ZNF106: variants seen among roughly 807,000 people sequenced by gnomAD.
The protein encoded by ZNF106 is SH3-domain binding protein 3.
A neutral mutation model predicts 195.1 loss-of-function variants in ZNF106; 67 were observed. The observed-to-expected ratio is 0.34, with a 90% CI of 0.28 to 0.42. The LOEUF is 0.42. ZNF106 is among the 10% of genes least tolerant of loss of function. The probability of loss-of-function intolerance (pLI) is 1.00; values close to 1 mark genes in which losing one functional copy is unlikely to be tolerated. For missense variants in ZNF106, 2,118 were observed against 2,304.5 expected (o/e 0.92, Z 1.66); for synonymous variants, 784 against 818.6 (o/e 0.96, Z 0.72).
chr15:42,459,767 G>A (rs975883941), intron 3 of ZNF106, among the ~76,000 whole-genome samples: 22 of 152,038 alleles, frequency 1.4e-4, no homozygotes, highest in Non-Finnish European at 2.9e-4. Context: ...TTGGCCAGGC[G>A]CAGTGGTTCA....
At chr15:42,441,392 C>T (rs1050099699) in intron 10 of ZNF106, among the ~76,000 whole-genome samples, 8 of 152,004 alleles carry the variant, frequency 5.3e-5, no homozygotes, top group Middle Eastern at 3.4e-3. Context: ...ATTAATATTG[C>T]AACATAGTAC....
At chr15:42,490,817 G>A (rs975295305) in intron 1 of ZNF106, among the ~76,000 whole-genome samples, 163 bp downstream of exon 1, 3 of 152,148 alleles carry the variant, frequency 2.0e-5, no homozygotes, top group African/African-American at 7.2e-5. Flanking sequence ...CCATAAACCC[G>A]CGCCGGCTCT....
At chr15:42,472,083 T>C (rs1208044210) in intron 2 of ZNF106, among the ~76,000 whole-genome samples, 153 bp downstream of exon 2, 1 of 152,202 alleles carries the variant, frequency 6.6e-6, no homozygotes, top group Non-Finnish European at 1.5e-5. Flanking sequence ...GGAATGAGAC[T>C]ATGGTTTAGG....
intron 19 of ZNF106, 42 bp downstream of exon 19, chr15:42,421,875 C>T: frequency 6.8e-7 from 1 of 1,475,444 alleles, no homozygotes; most frequent in Middle Eastern, 2.2e-4. Flanking sequence ...TTTTAGCAAA[C>T]ACATTCAAAA....
chr15:42,473,629 CT>C (rs1252385782), intron 1 of ZNF106, among the ~76,000 whole-genome samples: 1 of 152,178 alleles, frequency 6.6e-6, no homozygotes, highest in Non-Finnish European at 1.5e-5. Context: ...TAATATTGCA[CT>C]TTCTGACACC....
rs189518482 is a variant in ZNF106 at position 42,457,396 on chromosome 15, G to A, written c.117-238C>T. ...AGGCAATAGACTTCAGATAAATGTC[G>A]TTTAGGAGGAGAAATCTTCTTGAAT... On this transcript the variant is annotated intron_variant, in intron 3 of 21. Coordinates refer to ENST00000564754, the MANE Select transcript of ZNF106 (RefSeq NM_001366845.3). 2.9e-3 allele frequency: 3,996 copies of A among 1,383,130 alleles called. 18 individuals are homozygous for A. Among genetic ancestry groups the A allele is most frequent in the Middle Eastern group, 0.017 (64 of 3,740 alleles). 85.7% of individuals were successfully genotyped at this position (1,383,130 alleles called of 1,614,324 possible).
intron 1 of ZNF106, among the ~76,000 whole-genome samples, chr15:42,472,655 C>G (rs552761654): frequency 5.5e-4 from 83 of 152,292 alleles, no homozygotes; most frequent in African/African-American, 2.0e-3. Context: ...CCTCTCACAG[C>G]TGATTCTCAA....
Position 42,424,841 on chromosome 15 carries a change from C to A in ZNF106, c.5183G>T (p.Cys1728Phe). 2 of 1,613,936 alleles carry A rather than the reference C, an allele frequency of 1.2e-6. No homozygotes were observed. Among genetic ancestry groups the A allele is most frequent in the Non-Finnish European group, 1.7e-6 (2 of 1,179,948 alleles). The change falls in exon 16 of 22, where the codon TGC becomes TTC. Residue 1728 changes from cysteine (C) to phenylalanine (F), a missense_variant. By Grantham distance (205) the Cys-to-Phe change is radical (BLOSUM62 -2). Coordinates refer to ENST00000564754, the MANE Select transcript of ZNF106 (RefSeq NM_001366845.3). ...TLEGHSKTILCMKVVNDLVFS... is the reference protein window; with the variant it reads ...TLEGHSKTILFMKVVNDLVFS... Reference sequence around the variant, plus strand: ...CTCTTGCACTGTACTTGCCTTCATGCAAAGAATGGTTTTGCTATGGCCCTC... The same window carrying A: ...CTCTTGCACTGTACTTGCCTTCATGAAAAGAATGGTTTTGCTATGGCCCTC...
chr15:42,445,429 T>C (rs895982893), intron 7 of ZNF106, among the ~76,000 whole-genome samples: 2 of 152,212 alleles, frequency 1.3e-5, no homozygotes, highest in Admixed American at 6.5e-5. Flanking sequence ...ATTGTTTTTA[T>C]TAGAGAAGAC....
intron 5 of ZNF106, among the ~76,000 whole-genome samples, 193 bp from the exon 6 acceptor site, chr15:42,448,898 G>A (rs529436265): frequency 9.2e-5 from 14 of 152,070 alleles, no homozygotes; most frequent in Middle Eastern, 3.4e-3. Flanking sequence ...CCAGATTAGA[G>A]GTTTGTATAC....
chr15:42,427,107 A>G (rs952237496), intron 15 of ZNF106, among the ~76,000 whole-genome samples: 1 of 152,244 alleles, frequency 6.6e-6, no homozygotes, highest in Admixed American at 6.5e-5. Flanking sequence ...ACAACTAATT[A>G]GCAATCAAAC....
At chr15:42,432,442 G>A (rs983950011) in intron 14 of ZNF106, among the ~76,000 whole-genome samples, 7 of 152,122 alleles carry the variant, frequency 4.6e-5, no homozygotes, top group South Asian at 2.1e-4. Context: ...GGCATGAGCC[G>A]CAGTGCCCAG....
intron 3 of ZNF106, among the ~76,000 whole-genome samples, chr15:42,459,501 G>C (rs1161217925): frequency 3.3e-5 from 5 of 151,906 alleles, no homozygotes; most frequent in Non-Finnish European, 7.4e-5. Context: ...AAAGAAAAAA[G>C]AATAATCCTC....
intron 2 of ZNF106, among the ~76,000 whole-genome samples, chr15:42,469,053 C>T (rs890933158): frequency 3.3e-5 from 5 of 151,770 alleles, no homozygotes; most frequent in African/African-American, 9.7e-5. Context: ...GGCGTGGTGG[C>T]GCATGCCTGT....
In ZNF106 at chr15:42,422,544, A is replaced by G. The variant is rs753816599; in HGVS notation, c.5330T>C (p.Val1777Ala). 1.9e-6 allele frequency: 3 copies of G among 1,613,796 alleles called. No individual in the cohort carries two copies. The South Asian group carries it at 3.3e-5, about 18-fold the overall frequency. Reference sequence around the variant, plus strand: ...AACAAATTTATCCAGGCAAGCAGTCACCATCACTTTTCCTAGGATATTCAC... The same window carrying G: ...AACAAATTTATCCAGGCAAGCAGTCGCCATCACTTTTCCTAGGATATTCAC... ...TVVNILGKVM[V>A]TACLDKFVRV... is the part of the protein sequence containing the mutation. The change falls in exon 18 of 22, where the codon GTG (valine) becomes GCG (alanine). Residue 1777 changes from valine to alanine, a missense_variant. Coordinates refer to ENST00000564754, the MANE Select transcript of ZNF106 (RefSeq NM_001366845.3).
At chr15:42,461,513 GAATA>G (rs1213369483) in intron 3 of ZNF106, among the ~76,000 whole-genome samples, 2 of 152,196 alleles carry the variant, frequency 1.3e-5, no homozygotes, top group East Asian at 3.8e-4. Flanking sequence ...AACAGCTGCT[GAATA>G]AATAAAGGTT....
chr15:42,468,563 TG>T (rs1208897572), intron 2 of ZNF106, among the ~76,000 whole-genome samples: 1 of 150,234 alleles, frequency 6.7e-6, no homozygotes, highest in Non-Finnish European at 1.5e-5. Context: ...ACCAACATGG[TG>T]ATACCCCGTC....
At chr15:42,456,283 A>G (rs549961978) in intron 4 of ZNF106, among the ~76,000 whole-genome samples, 9 of 152,340 alleles carry the variant, frequency 5.9e-5, no homozygotes, top group African/African-American at 2.2e-4. Flanking sequence ...GATTTATACA[A>G]TGAAGCTTAT....
At chr15:42,443,255 G>A (rs2055624400) in intron 9 of ZNF106, among the ~76,000 whole-genome samples, 1 of 152,126 alleles carries the variant, frequency 6.6e-6, no homozygotes, top group Admixed American at 6.5e-5. Flanking sequence ...CAGGCCTTTT[G>A]ATTCCTAATC....
Sources: gnomAD v4.1 joint callset for allele counts (sites outside exome capture counted in the v4.1 genomes callset) on GRCh38, gnomAD v4.1.1 for gene constraint, MANE v1.5 for transcripts, NCBI Gene and HGNC (gene_info 2026-07-23, HGNC 2026-07-21) for gene names.